Variants in PDPR observed in about 807,000 individuals in gnomAD.
The protein encoded by PDPR is pyruvate dehydrogenase phosphatase regulatory subunit, also known as pyruvate dehydrogenase phosphatase regulatory subunit, mitochondrial.
PDPR carries 50 observed loss-of-function variants against 102.2 expected under a neutral mutation model. The observed-to-expected ratio is 0.49, with a 90% CI of 0.39 to 0.62. PDPR has a LOEUF of 0.62. PDPR is among the 20% of genes least tolerant of loss of function. The pLI, the probability that PDPR is intolerant of heterozygous loss-of-function variation, is 0.00. For missense variants in PDPR, 625 were observed against 1,098.2 expected (o/e 0.57, Z 6.09); for synonymous variants, 259 against 406.0 (o/e 0.64, Z 4.35).
At chr16:70,128,515 A>G in intron 4 of PDPR, among the ~76,000 whole-genome samples, 1 of 152,248 alleles carries the variant, frequency 6.6e-6, no homozygotes, top group Non-Finnish European at 1.5e-5. Context: ...AGCATGAGCC[A>G]CTACACCTGG....
chr16:70,143,805 A>C, intron 14 of PDPR, 147 bp downstream of exon 14: 2 of 915,788 alleles, frequency 2.2e-6, no homozygotes, highest in Non-Finnish European at 3.2e-6. Flanking sequence ...GTTTATTAGC[A>C]GTCCTAAACA....
chr16:70,135,789 C>A (rs542283018), intron 9 of PDPR, among the ~76,000 whole-genome samples: 1 of 152,250 alleles, frequency 6.6e-6, no homozygotes, highest in Non-Finnish European at 1.5e-5. Context: ...CTCTTCCAGC[C>A]GGACGCAGTG....
chr16:70,127,089 C>G (rs558460178), intron 3 of PDPR, among the ~76,000 whole-genome samples, 171 bp from the exon 4 acceptor site: 3 of 152,268 alleles, frequency 2.0e-5, no homozygotes, highest in Non-Finnish European at 4.4e-5. Flanking sequence ...CTCAAGCAGT[C>G]CTCAGTCCTC....
Position 70,153,561 on chromosome 16 carries a change from G to A in PDPR, c.2223G>A (p.Val741=). 6.2e-7 allele frequency: 1 copy of A among 1,603,642 alleles called. No homozygotes were observed. The highest frequency in any genetic ancestry group is 8.5e-7 in the Non-Finnish European group (1 of 1,175,626). The change falls in exon 18 of 19, where the codon GTG becomes GTA. Residue 741 remains valine (V), a synonymous_variant. Transcript: ENST00000288050. ...TGGAATGTGGACGAGAGTCTCGGGTGAAATTAGAGAAGGTACTGTGTTTAC... is the reference window on the plus strand; with the variant it reads ...TGGAATGTGGACGAGAGTCTCGGGTAAAATTAGAGAAGGTACTGTGTTTAC... The part of the protein sequence containing the change: ...TPLECGRESR[V]KLEKGMDFIG...
Position 70,148,474 on chromosome 16 carries a change from T to A in PDPR, c.1973T>A (p.Val658Glu). The change falls in exon 17 of 19, where the codon GTG (valine) becomes GAG (glutamate). Residue 658 changes from valine (V) to glutamate (E), a missense_variant. Physicochemically the swap from Val to Glu is moderately radical, Grantham distance 121 (BLOSUM62 -2). Transcript: ENST00000288050. ...FPSLFCKEMS[V>E]GYANGIRVMS... is the part of the protein sequence containing the mutation. ...CCTTTGTCCCTGCAGGAGATGAGTG[T>A]GGGCTATGCAAATGGGATCCGGGTG... The A allele has an allele frequency of 6.2e-7, 1 of 1,613,134 alleles. No individual in the cohort carries two copies. The highest frequency in any genetic ancestry group is 1.7e-5 in the Admixed American group (1 of 59,948).
Position 70,156,428 on chromosome 16 carries a change from A to G in PDPR, c.2236-47A>G, listed in dbSNP as rs1479268635. 3.1e-6 allele frequency: 5 copies of G among 1,600,426 alleles called. No individual in the cohort carries two copies. In the South Asian group the frequency reaches 5.6e-5, roughly 18 times the overall value. On this transcript the variant is annotated intron_variant, in intron 18 of 18. Coordinates refer to ENST00000288050, the MANE Select transcript of PDPR (RefSeq NM_017990.5). ...TCCCACGGTGCTGCTCTCTGTGCCG[A>G]GGGTCTGAGTGTCGCTGGATGACTC...
rs1201065640 is a variant in PDPR, at chr16:70,138,207, A to ATTTTTTTTTTTTTTTTT, written c.1191-680_1191-664dup. On this transcript the variant is annotated intron_variant, in intron 10 of 18. Coordinates refer to ENST00000288050, the MANE Select transcript of PDPR (RefSeq NM_017990.5). ...CAGGCATGTGCCACCACGCCGGCTA[A>ATTTTTTTTTTTTTTTTT]TTTTTTTTTTTTTTTTTTTTTTTTT... Among the ~76,000 whole-genome samples the ATTTTTTTTTTTTTTTTT allele has an allele frequency of 4.7e-4, 44 of 94,032 alleles. 1 individual carries two copies. The highest frequency in any genetic ancestry group is 5.9e-4 in the Non-Finnish European group (30 of 50,910). 61.7% of individuals were successfully genotyped at this position (94,032 alleles called of 152,430 possible).
In PDPR at chr16:70,142,278, G is replaced by A. The variant is rs202246074; in HGVS notation, c.1360G>A (p.Gly454Ser). Residue 454 changes from glycine to serine, a missense_variant, in exon 12 of 19, where the codon GGT (glycine) becomes AGT (serine). By Grantham distance (56) the Gly-to-Ser change is moderately conservative. Around this residue, in one of 11 missense-constraint regions of PDPR, gnomAD observed 34 missense variants for 76.6 expected, o/e 0.44. Transcript: ENST00000288050. ...LKVPRWDFQT[G>S]RQLRTSPLYD... is the part of the protein sequence containing the mutation. ...GGTTCCCCGCTGGGACTTCCAGACC[G>A]GTAGGCAGTTACGCACCTCTCCTCT... 8.4e-5 allele frequency: 136 copies of A among 1,613,866 alleles called. No homozygotes were observed. The highest frequency in any genetic ancestry group is 1.6e-4 in the Middle Eastern group (1 of 6,080).
rs1967782168 is a variant in PDPR, at chr16:70,161,431, AAAG to A, written c.*4555_*4557del. On this transcript the variant is annotated 3_prime_UTR_variant, in exon 19 of 19. Transcript: ENST00000288050. ...GATATAAGCAGTATTAACACAGTAT[AAAG>A]AATGTTCACCTTGCATATGTCATTT... 2.0e-5 allele frequency: 3 copies of A among 152,722 alleles called. No homozygotes were observed. The highest frequency in any genetic ancestry group is 7.2e-5 in the African/African-American group (3 of 41,478). 9.5% of individuals were successfully genotyped at this position (152,722 alleles called of 1,614,324 possible).
At position 70,160,885 on chromosome 16, in the gene PDPR, C is replaced by T. The variant is rs552763821; in HGVS notation, c.*4006C>T. 1 of 152,464 alleles carries T rather than the reference C, an allele frequency of 6.6e-6. No individual in the cohort carries two copies. Among genetic ancestry groups the T allele is most frequent in the Non-Finnish European group, 1.5e-5 (1 of 68,170 alleles). The allele number at this position is 152,464 out of a possible 1,614,324, so 9.4% of individuals were successfully genotyped here. A position where few individuals can be genotyped will look rare whatever the true frequency, so the allele number is the denominator to read the frequency against. Reference sequence around the variant, plus strand: ...CTTCATTTCTGGCTCTGTGTCTCCTCTGGCATATGGACACATTTCCTGGCA... The same window carrying T: ...CTTCATTTCTGGCTCTGTGTCTCCTTTGGCATATGGACACATTTCCTGGCA... On this transcript the variant is annotated 3_prime_UTR_variant, in exon 19 of 19. Coordinates refer to ENST00000288050, the MANE Select transcript of PDPR (RefSeq NM_017990.5).
rs1963005827 is a variant in PDPR at position 70,119,542 on chromosome 16, T to C, written c.-32-919T>C. Reference sequence around the variant, plus strand: ...TCATCTCCCCACACTCCCCGTGTCGTGTACATGCCGGCCTCCTTTTTGTTC... The same window carrying C: ...TCATCTCCCCACACTCCCCGTGTCGCGTACATGCCGGCCTCCTTTTTGTTC... On this transcript the variant is annotated intron_variant, in intron 2 of 18. Transcript: ENST00000288050. 3.4e-5 allele frequency among the ~76,000 whole-genome samples: 5 copies of C among 149,126 alleles called. No homozygotes were observed. In the South Asian group the frequency reaches 1.1e-3, roughly 32 times the overall value.
chr16:70,124,620 G>A (rs1382734524), intron 3 of PDPR, among the ~76,000 whole-genome samples: 2 of 152,376 alleles, frequency 1.3e-5, no homozygotes, highest in East Asian at 1.9e-4. Context: ...GGACTCTAAT[G>A]TACCTCCAAG....
rs1461511699 is a variant in PDPR, at chr16:70,157,500, AG to A, written c.*622del. 3.2e-5 allele frequency: 9 copies of A among 281,076 alleles called. No homozygotes were observed. Among genetic ancestry groups the A allele is most frequent in the Admixed American group, 1.8e-4 (4 of 21,664 alleles). 17.4% of individuals were successfully genotyped at this position (281,076 alleles called of 1,614,324 possible). The stretch of plus-strand genomic sequence containing the variant: ...TGTAGTGGAGACAAGCAGTTAACCT[AG>A]CACCATCCTCATCCTCCCTGCAGAA... On this transcript the variant is annotated 3_prime_UTR_variant, in exon 19 of 19. Coordinates refer to ENST00000288050, the MANE Select transcript of PDPR (RefSeq NM_017990.5).
intron 17 of PDPR, 30 bp downstream of exon 17, chr16:70,148,583 TTC>T: frequency 6.5e-7 from 1 of 1,532,832 alleles, no homozygotes; most frequent in African/African-American, 1.4e-5. Context: ...TTCCCTTCCC[TTC>T]ACTTCCCTTC....
At position 70,159,384 on chromosome 16, in the gene PDPR, T is replaced by C. The variant is rs995458265; in HGVS notation, c.*2505T>C. On this transcript the variant is annotated 3_prime_UTR_variant, in exon 19 of 19. Transcript: ENST00000288050. ...GGGGCTGAGCACTCAGGCTGTCCAT[T>C]GAAACCCCTTGTCCATGAATAGGGT... 2 of 152,530 alleles carry C rather than the reference T, an allele frequency of 1.3e-5. No individual in the cohort carries two copies. The highest frequency in any genetic ancestry group is 4.8e-5 in the African/African-American group (2 of 41,480). The allele number at this position is 152,530 out of a possible 1,614,324, so 9.4% of individuals were successfully genotyped here.
chr16:70,132,484 CTAAAATCTTAGTTAA>C (rs1243404863), intron 9 of PDPR, among the ~76,000 whole-genome samples, 184 bp downstream of exon 9: 1 of 152,236 alleles, frequency 6.6e-6, no homozygotes, highest in East Asian at 1.9e-4. Flanking sequence ...ATTCAGGGGA[CTAAAATCTTAGTTAA>C]TAGACATTTG....
chr16:70,153,510 G>A lies in PDPR; in HGVS notation c.2172G>A (p.Gln724=). The A allele has an allele frequency of 1.2e-6, 2 of 1,612,748 alleles. No homozygotes were observed. Among genetic ancestry groups the A allele is most frequent in the African/African-American group, 2.7e-5 (2 of 75,070 alleles). ...AGAAGTTTTTTGCCTTCTGGGGTCAGGATATAAATAACCTCACCACGCCCC... is the reference window on the plus strand; with the variant it reads ...AGAAGTTTTTTGCCTTCTGGGGTCAAGATATAAATAACCTCACCACGCCCC... ...RIEKFFAFWG[Q]DINNLTTPLE... The change falls in exon 18 of 19, where the codon CAG becomes CAA. Residue 724 remains glutamine (Q), a synonymous_variant. Transcript: ENST00000288050.
At chr16:70,133,421 C>CTTTTTTTTT (rs1162339028) in intron 9 of PDPR, among the ~76,000 whole-genome samples, 2 of 103,754 alleles carry the variant, frequency 1.9e-5, no homozygotes, top group African/African-American at 8.1e-5. Flanking sequence ...TGCGTCTGGC[C>CTTTTTTTTT]TTTTTTTTTT....
chr16:70,149,505 G>C (rs1472570742), intron 17 of PDPR, among the ~76,000 whole-genome samples: 2 of 151,874 alleles, frequency 1.3e-5, no homozygotes, highest in Non-Finnish European at 2.9e-5. Context: ...ACCTCAAGTG[G>C]TCCACACACC....
Sources: gnomAD v4.1 joint callset for allele counts (sites outside exome capture counted in the v4.1 genomes callset) on GRCh38, gnomAD v4.1.1 for gene constraint, gnomAD v4.1.1 regional missense constraint, MANE v1.5 for transcripts, NCBI Gene and HGNC (gene_info 2026-07-23, HGNC 2026-07-21) for gene names.